NKAIN3: variants seen among roughly 807,000 people sequenced by gnomAD.
The protein encoded by NKAIN3 is sodium/potassium transporting ATPase interacting 3, also known as sodium/potassium-transporting ATPase subunit beta-1-interacting protein 3.
Under a neutral mutation model 30.2 loss-of-function variants are expected in NKAIN3, and 25 were observed. That is an observed-to-expected ratio of 0.83 (90% confidence interval 0.60 to 1.16). The LOEUF is 1.16. NKAIN3 is among the 50% of genes most tolerant of loss of function. The pLI is 0.00. For synonymous variants in NKAIN3, 91 were observed against 89.6 expected (o/e 1.02, Z -0.09); for missense variants, 225 against 254.1 (o/e 0.89, Z 0.78).
intron 4 of NKAIN3, among the ~76,000 whole-genome samples, chr8:62,878,959 C>T (rs1820887014): frequency 6.6e-6 from 1 of 152,136 alleles, no homozygotes. Flanking sequence ...GTGAATAGTG[C>T]TGCAATAAAC....
chr8:62,925,833 C>A (rs377724334), intron 5 of NKAIN3, among the ~76,000 whole-genome samples: 2 of 152,114 alleles, frequency 1.3e-5, no homozygotes, highest in African/African-American at 4.8e-5. Flanking sequence ...ACACCCTGAC[C>A]TCTATGCTCC....
chr8:62,727,436 T>C (rs1455836886), intron 3 of NKAIN3, among the ~76,000 whole-genome samples: 4 of 152,154 alleles, frequency 2.6e-5, no homozygotes, highest in Non-Finnish European at 5.9e-5. Flanking sequence ...TGGTCATCTA[T>C]GTAGAAGATC....
intron 4 of NKAIN3, chr8:62,863,257 T>G: frequency 6.4e-7 from 1 of 1,563,460 alleles, no homozygotes; most frequent in Non-Finnish European, 8.7e-7. Flanking sequence ...CTTTTTGTTT[T>G]TAGATATTTT....
intron 5 of NKAIN3, among the ~76,000 whole-genome samples, chr8:62,923,900 A>G (rs887722783): frequency 6.6e-6 from 1 of 152,148 alleles, no homozygotes; most frequent in Admixed American, 6.5e-5. Context: ...CTCTCTCAAG[A>G]ATATCATAAG....
At chr8:62,707,384 A>T (rs1431939659) in intron 3 of NKAIN3, among the ~76,000 whole-genome samples, 2 of 152,010 alleles carry the variant, frequency 1.3e-5, no homozygotes, top group Non-Finnish European at 2.9e-5. Context: ...ACTCACACCA[A>T]CATCTACTGT....
intron 1 of NKAIN3, among the ~76,000 whole-genome samples, chr8:62,460,993 A>G (rs539253159): frequency 6.6e-6 from 1 of 152,328 alleles, no homozygotes; most frequent in East Asian, 1.9e-4. Flanking sequence ...GGACATACAC[A>G]GGTATAAGGC....
chr8:62,541,592 G>T (rs568305498), intron 1 of NKAIN3, among the ~76,000 whole-genome samples: 1 of 151,974 alleles, frequency 6.6e-6, no homozygotes, highest in African/African-American at 2.4e-5. Flanking sequence ...TGTGTTTTCT[G>T]TTCTTTCCTT....
At chr8:62,341,830 G>A (rs572352375) in intron 1 of NKAIN3, among the ~76,000 whole-genome samples, 1 of 152,106 alleles carries the variant, frequency 6.6e-6, no homozygotes, top group East Asian at 1.9e-4. Flanking sequence ...TTTGTGTCCA[G>A]GACCTGCGGA....
intron 1 of NKAIN3, among the ~76,000 whole-genome samples, chr8:62,437,174 G>A (rs558710276): frequency 6.6e-6 from 1 of 151,826 alleles, no homozygotes; most frequent in Non-Finnish European, 1.5e-5. Flanking sequence ...GACACAGAGA[G>A]GCTAAAAGTA....
intron 5 of NKAIN3, among the ~76,000 whole-genome samples, chr8:62,923,178 G>A (rs1170414249): frequency 6.6e-6 from 1 of 151,990 alleles, no homozygotes; most frequent in East Asian, 1.9e-4. Context: ...TGTGCCTGTG[G>A]TCCCAGCTAC....
At chr8:62,547,036 A>G (rs1018207214) in intron 1 of NKAIN3, among the ~76,000 whole-genome samples, 2 of 152,192 alleles carry the variant, frequency 1.3e-5, no homozygotes, top group Non-Finnish European at 2.9e-5. Context: ...ACTGTTGTCT[A>G]TCTGTGGTCT....
chr8:62,784,335 C>T (rs1051125706), intron 4 of NKAIN3, among the ~76,000 whole-genome samples: 2 of 151,666 alleles, frequency 1.3e-5, no homozygotes, highest in Non-Finnish European at 2.9e-5. Flanking sequence ...ATCAGTACAA[C>T]CAAAGGTTGC....
chr8:62,528,327 ATATATAT>A (rs1808377769), intron 1 of NKAIN3, among the ~76,000 whole-genome samples: 1 of 33,528 alleles, frequency 3.0e-5, no homozygotes, highest in Non-Finnish European at 6.1e-5. Context: ...ATTATATAAT[ATATATAT>A]TATATAATAT....
chr8:62,803,393 A>AG (rs1456743198), intron 4 of NKAIN3, among the ~76,000 whole-genome samples: 1 of 152,208 alleles, frequency 6.6e-6, no homozygotes, highest in Non-Finnish European at 1.5e-5. Context: ...ATGTAAAAAA[A>AG]CAGATATTAT....
At chr8:62,400,223 T>TG (rs1817893941) in intron 1 of NKAIN3, among the ~76,000 whole-genome samples, 3 of 146,968 alleles carry the variant, frequency 2.0e-5, no homozygotes, top group African/African-American at 7.6e-5. Context: ...TGGAGTGCAG[T>TG]GGTGTGATCT....
intron 1 of NKAIN3, among the ~76,000 whole-genome samples, chr8:62,569,772 T>TG (rs1247868358): frequency 1.1e-4 from 16 of 148,218 alleles, no homozygotes; most frequent in African/African-American, 4.0e-4. Flanking sequence ...TGAGACTGTC[T>TG]GAAAAAAAAA....
chr8:62,744,481 A>G (rs1340847648), intron 3 of NKAIN3, among the ~76,000 whole-genome samples: 1 of 152,170 alleles, frequency 6.6e-6, no homozygotes, highest in Non-Finnish European at 1.5e-5. Context: ...ACTGAAGTGA[A>G]CTCACAGTCT....
chr8:62,676,216 C>T (rs1466081518), intron 3 of NKAIN3, among the ~76,000 whole-genome samples: 1 of 152,146 alleles, frequency 6.6e-6, no homozygotes. Context: ...GAAATTTATA[C>T]CCAGATCTGT....
chr8:62,884,216 G>A (rs1821075109), intron 4 of NKAIN3, among the ~76,000 whole-genome samples: 1 of 152,104 alleles, frequency 6.6e-6, no homozygotes, highest in East Asian at 1.9e-4. Context: ...AAACGAGTTA[G>A]ATCACATACC....
Sources: gnomAD v4.1 joint callset for allele counts (sites outside exome capture counted in the v4.1 genomes callset) on GRCh38, gnomAD v4.1.1 for gene constraint, MANE v1.5 for transcripts, NCBI Gene and HGNC (gene_info 2026-07-23, HGNC 2026-07-21) for gene names.